The following CDC73 variants were observed in gnomAD, a reference collection of about 807,000 sequenced individuals.
The protein encoded by CDC73 is parafibromin.
A neutral mutation model predicts 83.7 loss-of-function variants in CDC73; 21 were observed. That is an observed-to-expected ratio of 0.25 (90% CI 0.18 to 0.36). CDC73 has a LOEUF of 0.36. Ranked by LOEUF, CDC73 falls within the 10% of genes least tolerant of loss-of-function variation. The pLI is 1.00. For missense variants in CDC73, 342 were observed against 653.3 expected (o/e 0.52, Z 5.19); for synonymous variants, 224 against 212.9 (o/e 1.05, Z -0.45).
At chr1:193,172,736 CTG>C (rs1024362695) in intron 10 of CDC73, among the ~76,000 whole-genome samples, 3 of 152,104 alleles carry the variant, frequency 2.0e-5, no homozygotes, top group Non-Finnish European at 4.4e-5. Flanking sequence ...TTTTGCCATC[CTG>C]TGTTCTGAAT....
At chr1:193,247,704 T>C (rs777853789) in intron 15 of CDC73, among the ~76,000 whole-genome samples, 1 of 152,054 alleles carries the variant, frequency 6.6e-6, no homozygotes, top group African/African-American at 2.4e-5. Context: ...ATTGCTGATA[T>C]GGGGAAAGCT....
intron 10 of CDC73, among the ~76,000 whole-genome samples, chr1:193,173,291 T>C (rs1037056255): frequency 3.3e-5 from 5 of 152,194 alleles, no homozygotes; most frequent in African/African-American, 1.2e-4. Flanking sequence ...TGAGAGAAAA[T>C]AGCACGTGAT....
At chr1:193,199,588 C>A (rs1394745758) in intron 10 of CDC73, among the ~76,000 whole-genome samples, 1 of 151,230 alleles carries the variant, frequency 6.6e-6, no homozygotes, top group African/African-American at 2.4e-5. Context: ...TGGTGCGCAC[C>A]TGTAGCCCCA....
chr1:193,183,408 A>G (rs558030185), intron 10 of CDC73, among the ~76,000 whole-genome samples: 17 of 149,452 alleles, frequency 1.1e-4, no homozygotes, highest in African/African-American at 4.2e-4. Context: ...GAATTTTAAA[A>G]GCAAATCATC....
At chr1:193,203,679 C>T in intron 10 of CDC73, 116 bp from the exon 11 acceptor site, 1 of 859,038 alleles carries the variant, frequency 1.2e-6, no homozygotes, top group South Asian at 1.4e-5. Context: ...GAGTAACCAA[C>T]TGAGTGAGAA....
chr1:193,236,450 A>G, intron 15 of CDC73, 94 bp downstream of exon 15: 1 of 818,286 alleles, frequency 1.2e-6, no homozygotes. Flanking sequence ...TATGATGTGT[A>G]TGTCAAAAGA....
chr1:193,231,934 T>C (rs1336251072), intron 13 of CDC73, among the ~76,000 whole-genome samples: 1 of 152,170 alleles, frequency 6.6e-6, no homozygotes, highest in Non-Finnish European at 1.5e-5. Flanking sequence ...AGAGACTAGA[T>C]CATAGTTAAT....
chr1:193,195,001 A>C (rs1676978283), intron 10 of CDC73, among the ~76,000 whole-genome samples: 1 of 152,184 alleles, frequency 6.6e-6, no homozygotes, highest in South Asian at 2.1e-4. Flanking sequence ...GGTTTAACAC[A>C]CAAAACATAA....
intron 7 of CDC73, among the ~76,000 whole-genome samples, chr1:193,144,112 C>CAAAAAAAAAAAAAAAAA (rs67477778): frequency 4.7e-5 from 3 of 64,416 alleles, no homozygotes; most frequent in African/African-American, 1.8e-4. Flanking sequence ...TCTGTCTCAC[C>CAAAAAAAAAAAAAAAAA]AAAAAAAAAA....
chr1:193,250,207 G>C (rs1678023381), intron 16 of CDC73, among the ~76,000 whole-genome samples: 1 of 151,716 alleles, frequency 6.6e-6, no homozygotes, highest in African/African-American at 2.4e-5. Context: ...TTTTTTGCAA[G>C]TACTGAAAGA....
intron 8 of CDC73, among the ~76,000 whole-genome samples, chr1:193,148,638 A>G (rs1415797006): frequency 6.9e-6 from 1 of 145,692 alleles, no homozygotes; most frequent in Non-Finnish European, 1.5e-5. Context: ...GAAAATTTAT[A>G]ATTTTTTTTT....
chr1:193,244,138 A>G (rs1339389898), intron 15 of CDC73, among the ~76,000 whole-genome samples: 3 of 152,250 alleles, frequency 2.0e-5, no homozygotes, highest in Non-Finnish European at 1.5e-5. Flanking sequence ...GATTGCAGAT[A>G]TAATGATAAA....
intron 8 of CDC73, among the ~76,000 whole-genome samples, chr1:193,149,542 A>G (rs1676068423): frequency 6.6e-6 from 1 of 152,208 alleles, no homozygotes; most frequent in Non-Finnish European, 1.5e-5. Flanking sequence ...TATTTATATA[A>G]TCGTTAGAAT....
At chr1:193,156,895 G>A (rs1362882468) in intron 10 of CDC73, among the ~76,000 whole-genome samples, 2 of 152,118 alleles carry the variant, frequency 1.3e-5, no homozygotes, top group African/African-American at 2.4e-5. Context: ...GGACATCAAA[G>A]ATGAACAAAA....
At chr1:193,166,388 GC>G in intron 10 of CDC73, among the ~76,000 whole-genome samples, 1 of 152,246 alleles carries the variant, frequency 6.6e-6, no homozygotes, top group South Asian at 2.1e-4. Flanking sequence ...CGATCCTCCT[GC>G]TTTGGCTTCT....
At chr1:193,165,322 G>A (rs914623240) in intron 10 of CDC73, among the ~76,000 whole-genome samples, 3 of 152,110 alleles carry the variant, frequency 2.0e-5, no homozygotes, top group Admixed American at 2.0e-4. Flanking sequence ...TTGTATAAAA[G>A]TACTTAAGAT....
At chr1:193,128,125 G>A (rs1675615224) in intron 2 of CDC73, 1 of 152,074 alleles carries the variant, frequency 6.6e-6, no homozygotes, top group Non-Finnish European at 1.5e-5. Context: ...CTGATCCTTA[G>A]TTCCTATTTT....
chr1:193,181,609 T>C, intron 10 of CDC73: 2 of 1,477,270 alleles, frequency 1.4e-6, no homozygotes, highest in South Asian at 2.7e-5. Flanking sequence ...TGACCAAAAA[T>C]GTTTTCTTCT....
chr1:193,249,640 T>C (rs554816642), intron 15 of CDC73, 90 bp from the exon 16 acceptor site: 1 of 948,706 alleles, frequency 1.1e-6, no homozygotes, highest in East Asian at 2.6e-5. Flanking sequence ...ACTTTAGTTA[T>C]AATACGGCTT....
Sources: allele counts gnomAD v4.1 joint callset (sites outside exome capture counted in the v4.1 genomes callset), GRCh38; gene constraint gnomAD v4.1.1; transcripts MANE v1.5; gene names NCBI Gene and HGNC (gene_info 2026-07-23, HGNC 2026-07-21).